PHACTR1: variants seen among roughly 807,000 people sequenced by gnomAD.
PHACTR1 encodes the protein RPEL repeat containing 1.
Under a neutral mutation model 69.2 loss-of-function variants are expected in PHACTR1, and 16 were observed. The ratio of observed to expected loss-of-function variants is 0.23; its 90% CI spans 0.16 to 0.35. The LOEUF (loss-of-function observed/expected upper bound fraction) is 0.35, where lower values mean the gene tolerates loss of function less well. Among genes scored for constraint, PHACTR1 ranks in the 10% least tolerant of loss-of-function variants. The probability of loss-of-function intolerance (pLI) is 1.00; values close to 1 mark genes in which losing one functional copy is unlikely to be tolerated. For missense variants in PHACTR1, 510 were observed against 734.7 expected (o/e 0.69, Z 3.54); for synonymous variants, 312 against 284.5 (o/e 1.10, Z -0.97).
intron 4 of PHACTR1, among the ~76,000 whole-genome samples, chr6:12,985,658 G>A (rs1796095541): frequency 6.6e-6 from 1 of 150,986 alleles, no homozygotes; most frequent in Admixed American, 6.6e-5. Context: ...ACAACTCAAT[G>A]TCCATTAAGA....
intron 4 of PHACTR1, among the ~76,000 whole-genome samples, chr6:12,911,632 G>T (rs1786402564): frequency 6.6e-6 from 1 of 152,030 alleles, no homozygotes; most frequent in Admixed American, 6.6e-5. Context: ...CAAAAGCAAA[G>T]TCCAGAGCCT....
chr6:13,286,255 T>C lies in PHACTR1; in HGVS notation c.1727+33T>C, dbSNP rs1562133259. On this transcript the variant is annotated intron_variant, in intron 14 of 14. Transcript: ENST00000332995. ...TTAAGGGTTTTTTTTTTCCTTTTTT[T>C]CCCTCAAGTTGCAATATTTATCTCC... 5.3e-6 allele frequency: 8 copies of C among 1,502,272 alleles called. 1 individual carries two copies. Among genetic ancestry groups the C allele is most frequent in the Middle Eastern group, 1.7e-4 (1 of 5,752 alleles). The allele number at this position is 1,502,272 out of a possible 1,614,324, so 93.1% of individuals were successfully genotyped here.
At chr6:12,988,549 A>G (rs1484750294) in intron 4 of PHACTR1, among the ~76,000 whole-genome samples, 1 of 152,262 alleles carries the variant, frequency 6.6e-6, no homozygotes, top group Non-Finnish European at 1.5e-5. Flanking sequence ...ACCAAGATGC[A>G]AAAGTATAAT....
chr6:13,018,861 A>G (rs974183588), intron 4 of PHACTR1, among the ~76,000 whole-genome samples: 5 of 151,760 alleles, frequency 3.3e-5, no homozygotes, highest in Admixed American at 3.3e-4. Context: ...CAACTCATCT[A>G]TCTGTTTGTT....
At chr6:12,729,144 T>C (rs1763165377) in intron 3 of PHACTR1, among the ~76,000 whole-genome samples, 1 of 152,186 alleles carries the variant, frequency 6.6e-6, no homozygotes, top group Admixed American at 6.5e-5. Context: ...TCTGATGCCA[T>C]TTCTTTCCGA....
At chr6:12,727,241 G>T (rs114608329) in intron 3 of PHACTR1, among the ~76,000 whole-genome samples, 4,832 of 152,234 alleles carry the variant, frequency 0.032, 239 homozygotes, top group African/African-American at 0.11. Flanking sequence ...AGACAGTGAA[G>T]GCAGATCGAG....
intron 9 of PHACTR1, among the ~76,000 whole-genome samples, chr6:13,229,122 G>C (rs548739860): frequency 6.6e-6 from 1 of 152,186 alleles, no homozygotes; most frequent in Non-Finnish European, 1.5e-5. Flanking sequence ...CCTGTTTGCT[G>C]TTCAGTATCC....
chr6:12,790,039 T>C (rs1772062578), intron 4 of PHACTR1, among the ~76,000 whole-genome samples: 1 of 152,126 alleles, frequency 6.6e-6, no homozygotes, highest in African/African-American at 2.4e-5. Flanking sequence ...CCTGGTTTAC[T>C]CTGATAACCT....
At chr6:13,003,955 A>ATATATATATATATATATATATATATC (rs1218888578) in intron 4 of PHACTR1, among the ~76,000 whole-genome samples, 1 of 103,474 alleles carries the variant, frequency 9.7e-6, no homozygotes, top group African/African-American at 6.4e-5. Flanking sequence ...GTATTCCTAT[A>ATATATATATATATATATATATATATC]TATATATATG....
intron 4 of PHACTR1, among the ~76,000 whole-genome samples, chr6:13,025,705 G>C (rs905230918): frequency 6.6e-6 from 1 of 151,832 alleles, no homozygotes; most frequent in Admixed American, 6.6e-5. Flanking sequence ...GTGTGTGTGT[G>C]TGTGTCTGTG....
At chr6:13,200,677 G>T (rs1207345113) in intron 7 of PHACTR1, among the ~76,000 whole-genome samples, 2 of 151,878 alleles carry the variant, frequency 1.3e-5, no homozygotes, top group South Asian at 4.1e-4. Flanking sequence ...CCAGCACTGG[G>T]TGGCCACCCA....
At chr6:12,958,101 T>C in intron 4 of PHACTR1, 1 of 867,714 alleles carries the variant, frequency 1.2e-6, no homozygotes, top group Non-Finnish European at 1.4e-6. Flanking sequence ...GATTTTGTAT[T>C]GGTTTTATGC....
intron 5 of PHACTR1, among the ~76,000 whole-genome samples, chr6:13,095,096 C>T (rs1813963102): frequency 6.6e-6 from 1 of 152,170 alleles, no homozygotes; most frequent in African/African-American, 2.4e-5. Flanking sequence ...GAGAAGAGGC[C>T]TCAGAATGAA....
At chr6:13,205,292 C>T (rs1241454404) in intron 7 of PHACTR1, among the ~76,000 whole-genome samples, 1 of 152,146 alleles carries the variant, frequency 6.6e-6, no homozygotes, top group Non-Finnish European at 1.5e-5. Context: ...TCACACCCAC[C>T]ACTAATCTAT....
intron 5 of PHACTR1, among the ~76,000 whole-genome samples, chr6:13,070,944 A>T (rs1391194435): frequency 3.9e-5 from 6 of 151,952 alleles, no homozygotes; most frequent in Non-Finnish European, 7.4e-5. Context: ...ATTAATGAGG[A>T]TTTGGAACTT....
chr6:13,207,351 T>C (rs1766092901), intron 8 of PHACTR1, among the ~76,000 whole-genome samples: 1 of 152,152 alleles, frequency 6.6e-6, no homozygotes, highest in Non-Finnish European at 1.5e-5. Flanking sequence ...ACCCTGTTCT[T>C]GCTGATGGAG....
At chr6:12,775,076 A>T (rs1480295578) in intron 4 of PHACTR1, among the ~76,000 whole-genome samples, 2 of 152,144 alleles carry the variant, frequency 1.3e-5, no homozygotes, top group African/African-American at 4.8e-5. Flanking sequence ...TCCTGTGAAG[A>T]GGGTGAGCAG....
intron 4 of PHACTR1, among the ~76,000 whole-genome samples, chr6:13,030,581 A>G (rs183270715): frequency 2.0e-5 from 3 of 152,372 alleles, no homozygotes; most frequent in Admixed American, 2.0e-4. Flanking sequence ...TCCCTGAAGT[A>G]GAATCCATTG....
At chr6:13,055,418 T>C (rs1235949998) in intron 5 of PHACTR1, among the ~76,000 whole-genome samples, 1 of 152,196 alleles carries the variant, frequency 6.6e-6, no homozygotes, top group African/African-American at 2.4e-5. Context: ...CTTAGGTCAT[T>C]GTCTCAGAGA....
Sources: allele counts gnomAD v4.1 joint callset (sites outside exome capture counted in the v4.1 genomes callset), GRCh38; gene constraint gnomAD v4.1.1; transcripts MANE v1.5; gene names NCBI Gene and HGNC (gene_info 2026-07-23, HGNC 2026-07-21).